The following IMPG1 variants were observed in gnomAD, a reference collection of about 807,000 sequenced individuals.
IMPG1 encodes interphotoreceptor matrix proteoglycan of 150 kDa.
Under a neutral mutation model 92.0 loss-of-function variants are expected in IMPG1, and 85 were observed. That is an observed-to-expected ratio of 0.92 (90% CI 0.78 to 1.11). IMPG1 has a LOEUF of 1.11. Among genes scored for constraint, IMPG1 ranks in the 50% least tolerant of loss-of-function variants. The probability of loss-of-function intolerance (pLI) is 0.00; values close to 1 mark genes in which losing one functional copy is unlikely to be tolerated. For missense variants in IMPG1, 1,022 were observed against 956.0 expected, an observed-to-expected ratio of 1.07 and a Z score of -0.91; for synonymous variants, 367 against 334.1, an observed-to-expected ratio of 1.10 and a Z score of -1.08.
intron 8 of IMPG1, among the ~76,000 whole-genome samples, chr6:76,010,785 G>A (rs1783170186): frequency 6.6e-6 from 1 of 152,094 alleles, no homozygotes; most frequent in Admixed American, 6.5e-5. Context: ...CATCCCATAG[G>A]AAACCAGGCA....
intron 12 of IMPG1, among the ~76,000 whole-genome samples, chr6:75,993,293 C>T (rs112487148): frequency 2.0e-5 from 3 of 152,168 alleles, no homozygotes; most frequent in African/African-American, 4.8e-5. Context: ...TGACAGCTGT[C>T]GTAACAGAAT....
intron 6 of IMPG1, among the ~76,000 whole-genome samples, chr6:76,019,841 A>T (rs1222545633): frequency 6.6e-6 from 1 of 152,202 alleles, no homozygotes; most frequent in Non-Finnish European, 1.5e-5. Flanking sequence ...GAAATGAAAT[A>T]TTCTGGGGAT....
intron 12 of IMPG1, among the ~76,000 whole-genome samples, chr6:75,972,235 G>A (rs542466999): frequency 7.9e-5 from 12 of 152,090 alleles, no homozygotes; most frequent in Non-Finnish European, 1.2e-4. Context: ...CATTACTGTA[G>A]GAACCAAAAA....
At chr6:75,988,612 T>C (rs938383669) in intron 12 of IMPG1, among the ~76,000 whole-genome samples, 1 of 152,212 alleles carries the variant, frequency 6.6e-6, no homozygotes, top group African/African-American at 2.4e-5. Flanking sequence ...GTGAAACTTA[T>C]AAGAAAGATA....
intron 12 of IMPG1, among the ~76,000 whole-genome samples, chr6:75,986,337 G>A (rs1782717770): frequency 1.3e-5 from 2 of 151,726 alleles, no homozygotes; most frequent in Non-Finnish European, 2.9e-5. Context: ...AGTCTGCATA[G>A]GAATTCATGA....
At chr6:76,072,343 C>T in intron 1 of IMPG1, 79 bp downstream of exon 1, 1 of 753,758 alleles carries the variant, frequency 1.3e-6, no homozygotes, top group Non-Finnish European at 2.2e-6. Context: ...AATTGGTAGC[C>T]TTGTTGGTTC....
chr6:75,978,480 CCCA>C (rs1782574376), intron 12 of IMPG1, among the ~76,000 whole-genome samples: 2 of 152,118 alleles, frequency 1.3e-5, no homozygotes, highest in Admixed American at 1.3e-4. Flanking sequence ...GCATTGTTAG[CCCA>C]TTTGCAGATG....
intron 4 of IMPG1, among the ~76,000 whole-genome samples, chr6:76,029,024 G>A (rs1366390315): frequency 1.3e-5 from 2 of 152,190 alleles, no homozygotes; most frequent in Admixed American, 6.5e-5. Flanking sequence ...ATTTTATCAA[G>A]GGTTTGACTG....
At chr6:76,052,496 C>T (rs1003165469) in intron 1 of IMPG1, among the ~76,000 whole-genome samples, 1 of 152,164 alleles carries the variant, frequency 6.6e-6, no homozygotes, top group Admixed American at 6.5e-5. Context: ...AGGTGCTGTT[C>T]CTGCAAGTTG....
intron 12 of IMPG1, among the ~76,000 whole-genome samples, chr6:75,998,473 C>T (rs999847177): frequency 6.6e-6 from 1 of 152,166 alleles, no homozygotes; most frequent in African/African-American, 2.4e-5. Flanking sequence ...TGGAAATGTG[C>T]TAATTTTAAC....
chr6:75,944,054 G>T (rs760825107), intron 14 of IMPG1, among the ~76,000 whole-genome samples: 1 of 152,212 alleles, frequency 6.6e-6, no homozygotes, highest in Non-Finnish European at 1.5e-5. Context: ...ATGCTGTTTT[G>T]GATTAAGCAT....
intron 1 of IMPG1, 21 bp downstream of exon 1, chr6:76,072,401 G>A (rs2127600108): frequency 2.2e-6 from 3 of 1,343,370 alleles, no homozygotes; most frequent in South Asian, 2.5e-5. Context: ...CAATTTAAAA[G>A]TAAACATTTA....
intron 4 of IMPG1, among the ~76,000 whole-genome samples, chr6:76,030,484 T>C (rs982381869): frequency 6.6e-6 from 1 of 152,096 alleles, no homozygotes; most frequent in African/African-American, 2.4e-5. Context: ...TTTTCTCCTT[T>C]CTCCTCCTCT....
Position 76,005,677 on chromosome 6 carries a change from T to C in IMPG1, c.888-143A>G. 4 of 743,580 alleles carry C rather than the reference T, an allele frequency of 5.4e-6. No homozygotes were observed. The South Asian group carries it at 7.7e-5, about 14-fold the overall frequency. 46.1% of individuals were successfully genotyped at this position (743,580 alleles called of 1,614,324 possible). ...GGAGAGAATATCCCACTTTAAAACA[T>C]TTCAACATTTATCAGAAACTTAAAA... On this transcript the variant is annotated intron_variant, in intron 9 of 16. Coordinates refer to ENST00000369950, the MANE Select transcript of IMPG1 (RefSeq NM_001563.4).
Position 75,930,989 on chromosome 6 carries a change from T to A in IMPG1, c.2207A>T (p.Glu736Val). ...EPGLCGPGTK[E>V]CEVLQGKGAP... ...TCCCTTTCCCTGGAGGACCTCGCAT[T>A]CCTTTGTGCCAGGGCCACAGAGGCC... is the stretch of plus-strand genomic sequence containing the variant. The change falls in exon 15 of 17, where the codon GAA (glutamate) becomes GTA (valine). Residue 736 changes from glutamate to valine, a missense_variant. Glu to Val is a moderately radical substitution (Grantham distance 121, BLOSUM62 -2). This residue lies in a region of IMPG1 where 332 missense variants were observed against 346.2 expected (regional missense o/e 0.96). Transcript: ENST00000369950. 6.2e-7 allele frequency: 1 copy of A among 1,614,238 alleles called. No individual in the cohort carries two copies. The highest frequency in any genetic ancestry group is 8.5e-7 in the Non-Finnish European group (1 of 1,180,042).
intron 15 of IMPG1, among the ~76,000 whole-genome samples, chr6:75,928,204 TTTC>T (rs760923894): frequency 2.8e-4 from 42 of 148,856 alleles, no homozygotes; most frequent in Non-Finnish European, 4.8e-4. Flanking sequence ...TCTTTCTTTC[TTTC>T]TTTTTTTTTT....
At chr6:76,003,789 G>T (rs1456871238) in intron 11 of IMPG1, 85 bp downstream of exon 11, 5 of 1,032,578 alleles carry the variant, frequency 4.8e-6, no homozygotes, top group Non-Finnish European at 7.3e-6. Flanking sequence ...ATTTTGCTCT[G>T]TTCATTTCTT....
chr6:76,071,621 A>C (rs2127599921), intron 1 of IMPG1, among the ~76,000 whole-genome samples: 1 of 152,130 alleles, frequency 6.6e-6, no homozygotes, highest in Non-Finnish European at 1.5e-5. Flanking sequence ...GATATTCCAA[A>C]CCAATACTTT....
Position 76,011,015 on chromosome 6 carries a change from T to C in IMPG1, c.866+151A>G. 8.8e-6 allele frequency: 5 copies of C among 568,390 alleles called. No individual in the cohort carries two copies. In the South Asian group the frequency reaches 1.1e-4, roughly 13 times the overall value. The allele number at this position is 568,390 out of a possible 1,614,324, so 35.2% of individuals were successfully genotyped here. On this transcript the variant is annotated intron_variant, in intron 8 of 16. Coordinates refer to ENST00000369950, the MANE Select transcript of IMPG1 (RefSeq NM_001563.4). ...CTAGAGTCATGTTCTAATTAGACAG[T>C]TCCTTTATCTGAAACGTACTCCGTT...
Sources: allele counts gnomAD v4.1 joint callset (sites outside exome capture counted in the v4.1 genomes callset), GRCh38; gene constraint gnomAD v4.1.1; regional missense constraint gnomAD v4.1.1; transcripts MANE v1.5; gene names NCBI Gene and HGNC (gene_info 2026-07-23, HGNC 2026-07-21).